The following KCNH5 variants were observed in gnomAD, a reference collection of about 807,000 sequenced individuals.
The protein encoded by KCNH5 is voltage-gated delayed rectifier potassium channel KCNH5.
Under a neutral mutation model 96.1 loss-of-function variants are expected in KCNH5, and 46 were observed. The ratio of observed to expected loss-of-function variants is 0.48; its 90% CI spans 0.38 to 0.61. The LOEUF (loss-of-function observed/expected upper bound fraction) is 0.61, where lower values mean the gene tolerates loss of function less well. Ranked by LOEUF, KCNH5 falls within the 20% of genes least tolerant of loss-of-function variation. The pLI is 0.00. For synonymous variants in KCNH5, 439 were observed against 449.8 expected (o/e 0.98, Z 0.30); for missense variants, 907 against 1,225.8 (o/e 0.74, Z 3.88).
intron 7 of KCNH5, among the ~76,000 whole-genome samples, chr14:62,924,586 T>C (rs1266062773): frequency 6.6e-6 from 1 of 151,864 alleles, no homozygotes; most frequent in Admixed American, 6.6e-5. Flanking sequence ...CATCAACAGA[T>C]GAATGAATAA....
chr14:62,854,331 A>G (rs1566683163), intron 7 of KCNH5, among the ~76,000 whole-genome samples: 2 of 152,134 alleles, frequency 1.3e-5, no homozygotes, highest in South Asian at 4.1e-4. Context: ...GTAAATTCAC[A>G]CACCAAAAAC....
chr14:62,974,756 G>A (rs1233277326), intron 6 of KCNH5, among the ~76,000 whole-genome samples: 1 of 152,004 alleles, frequency 6.6e-6, no homozygotes, highest in Non-Finnish European at 1.5e-5. Context: ...TTCCTCTTCA[G>A]GTCTAAGTTC....
intron 8 of KCNH5, among the ~76,000 whole-genome samples, chr14:62,825,271 G>C (rs1270679970): frequency 6.6e-6 from 1 of 152,018 alleles, no homozygotes; most frequent in East Asian, 1.9e-4. Context: ...TGTGTTTCCT[G>C]TTCTACGAAG....
At chr14:62,787,520 T>C (rs1421313883) in intron 9 of KCNH5, among the ~76,000 whole-genome samples, 1 of 152,216 alleles carries the variant, frequency 6.6e-6, no homozygotes, top group Non-Finnish European at 1.5e-5. Flanking sequence ...AAATAACTGA[T>C]GAAGGTGACT....
At position 62,699,594 on chromosome 14, in the gene KCNH5, G is replaced by A. The variant is rs1489146843; in HGVS notation, c.*7914C>T. ...GTGCTGAAACCCAGATTTCTTTTGG[G>A]CTAAAAGCTTCCACCTGCCAATTCA... On this transcript the variant is annotated 3_prime_UTR_variant, in exon 11 of 11. Transcript: ENST00000322893. 1 of 152,096 alleles carries A rather than the reference G, an allele frequency of 6.6e-6. No homozygotes were observed. Among genetic ancestry groups the A allele is most frequent in the African/African-American group, 2.4e-5 (1 of 41,416 alleles). The allele number at this position is 152,096 out of a possible 1,614,324, so 9.4% of individuals were successfully genotyped here.
chr14:63,039,188 A>T (rs1712029781), intron 1 of KCNH5, among the ~76,000 whole-genome samples: 1 of 152,090 alleles, frequency 6.6e-6, no homozygotes, highest in South Asian at 2.1e-4. Flanking sequence ...TAACCCACCA[A>T]AAAGAAAAAA....
intron 7 of KCNH5, among the ~76,000 whole-genome samples, chr14:62,915,788 G>A (rs572908638): frequency 6.6e-6 from 1 of 152,188 alleles, no homozygotes; most frequent in African/African-American, 2.4e-5. Context: ...TCAAAGTATT[G>A]CACGTACATT....
At chr14:62,942,055 C>A (rs536762869) in intron 7 of KCNH5, among the ~76,000 whole-genome samples, 20 of 152,260 alleles carry the variant, frequency 1.3e-4, no homozygotes, top group Admixed American at 1.2e-3. Context: ...TCCTCTTAAC[C>A]TTTACAGAAC....
In KCNH5 at chr14:62,707,442, T is replaced by C; in HGVS notation, c.*66A>G. On this transcript the variant is annotated 3_prime_UTR_variant, in exon 11 of 11. Coordinates refer to ENST00000322893, the MANE Select transcript of KCNH5 (RefSeq NM_139318.5). ...AAGCAAGTGAAAATATATATATGTA[T>C]ATACTGTATATACACACATATGTAT... The C allele has an allele frequency of 2.7e-6, 2 of 738,008 alleles. No homozygotes were observed. The highest frequency in any genetic ancestry group is 6.6e-5 in the South Asian group (1 of 15,120). 45.7% of individuals were successfully genotyped at this position (738,008 alleles called of 1,614,324 possible).
intron 10 of KCNH5, among the ~76,000 whole-genome samples, chr14:62,735,176 T>C (rs941940881): frequency 2.6e-4 from 39 of 152,010 alleles, no homozygotes; most frequent in African/African-American, 8.7e-4. Context: ...AGTTTGAAAG[T>C]GGGAGGAGGA....
chr14:62,810,900 C>T (rs532717044), intron 8 of KCNH5, among the ~76,000 whole-genome samples: 2 of 152,138 alleles, frequency 1.3e-5, no homozygotes, highest in African/African-American at 4.8e-5. Flanking sequence ...GATCCAAGAA[C>T]CCTCTCTTGG....
chr14:62,781,545 G>T (rs924301695), intron 9 of KCNH5, among the ~76,000 whole-genome samples: 1 of 152,164 alleles, frequency 6.6e-6, no homozygotes, highest in Admixed American at 6.5e-5. Flanking sequence ...CGCCCGGCGG[G>T]GGGTGGGGGG....
chr14:62,883,736 T>C (rs976783655), intron 7 of KCNH5, among the ~76,000 whole-genome samples: 13 of 152,044 alleles, frequency 8.6e-5, no homozygotes, highest in Admixed American at 2.6e-4. Flanking sequence ...TTGTCCTTTT[T>C]TCCACCACAG....
intron 10 of KCNH5, among the ~76,000 whole-genome samples, chr14:62,742,281 T>C (rs1017418355): frequency 6.6e-6 from 1 of 152,238 alleles, no homozygotes; most frequent in Non-Finnish European, 1.5e-5. Context: ...TTAACATAAT[T>C]AAATTTTAAT....
chr14:62,825,787 C>G (rs1219216201), intron 8 of KCNH5, among the ~76,000 whole-genome samples: 1 of 151,446 alleles, frequency 6.6e-6, no homozygotes, highest in African/African-American at 2.4e-5. Context: ...TTCTCTCTTA[C>G]TTTGTCTCTC....
intron 10 of KCNH5, among the ~76,000 whole-genome samples, chr14:62,722,552 G>A (rs1436300693): frequency 6.6e-6 from 1 of 152,160 alleles, no homozygotes; most frequent in Admixed American, 6.5e-5. Context: ...CTGGCCTGGA[G>A]TAAAGGAAAT....
At chr14:62,990,002 C>A (rs1483003575) in intron 4 of KCNH5, among the ~76,000 whole-genome samples, 2 of 151,820 alleles carry the variant, frequency 1.3e-5, no homozygotes, top group African/African-American at 4.8e-5. Context: ...CCAAGTCAAT[C>A]TTTTACTTAC....
chr14:62,772,913 G>C (rs1172964448), intron 10 of KCNH5, among the ~76,000 whole-genome samples: 1 of 152,158 alleles, frequency 6.6e-6, no homozygotes, highest in Non-Finnish European at 1.5e-5. Context: ...CCCAGATTGA[G>C]AGTCCTGTCC....
Position 62,992,232 on chromosome 14 carries a change from A to C in KCNH5, c.434-5045T>G, listed in dbSNP as rs76959844. On this transcript the variant is annotated intron_variant, in intron 4 of 10. Coordinates refer to ENST00000322893, the MANE Select transcript of KCNH5 (RefSeq NM_139318.5). ...ATGTTCTTTATCCAGTCATCCACTG[A>C]TGGATAATTAGATTGATTCTATCTT... is the stretch of plus-strand genomic sequence containing the variant. 0.012 allele frequency among the ~76,000 whole-genome samples: 1,819 copies of C among 152,130 alleles called. 97 individuals are homozygous for C. In the East Asian group the frequency reaches 0.16, roughly 13 times the overall value.
Sources: gnomAD v4.1 joint callset for allele counts (sites outside exome capture counted in the v4.1 genomes callset) on GRCh38, gnomAD v4.1.1 for gene constraint, MANE v1.5 for transcripts, NCBI Gene and HGNC (gene_info 2026-07-23, HGNC 2026-07-21) for gene names.